Variants in C3orf20 observed in about 807,000 individuals in gnomAD.
C3orf20 encodes the protein family with sequence similarity 149 member C.
C3orf20 carries 76 observed loss-of-function variants against 88.3 expected under a neutral mutation model. The ratio of observed to expected loss-of-function variants is 0.86; its 90% CI spans 0.72 to 1.04. C3orf20 has a LOEUF of 1.04. Ranked by LOEUF, C3orf20 falls within the 50% of genes least tolerant of loss-of-function variation. C3orf20 has a pLI of 0.00. For missense variants in C3orf20, 1,056 were observed against 1,123.3 expected, an observed-to-expected ratio of 0.94 and a Z score of 0.86; for synonymous variants, 436 against 437.4, an observed-to-expected ratio of 1.00 and a Z score of 0.04.
At chr3:14,764,667 T>A (rs1005344974) in intron 15 of C3orf20, among the ~76,000 whole-genome samples, 3 of 152,130 alleles carry the variant, frequency 2.0e-5, no homozygotes, top group Admixed American at 1.3e-4. Context: ...GTTTGCGCAC[T>A]CCCATACCTG....
At chr3:14,723,754 A>T (rs897752108) in intron 10 of C3orf20, among the ~76,000 whole-genome samples, 5 of 151,814 alleles carry the variant, frequency 3.3e-5, no homozygotes, top group Non-Finnish European at 7.4e-5. Flanking sequence ...CTGGTTCCAC[A>T]CTCTCACTCT....
chr3:14,685,132 G>A (rs1343170526), intron 4 of C3orf20, among the ~76,000 whole-genome samples: 2 of 152,118 alleles, frequency 1.3e-5, no homozygotes, highest in African/African-American at 4.8e-5. Context: ...TTAGACAGTG[G>A]GACATAATGA....
chr3:14,762,545 T>C (rs921502799), intron 15 of C3orf20, among the ~76,000 whole-genome samples: 1 of 152,192 alleles, frequency 6.6e-6, no homozygotes, highest in South Asian at 2.1e-4. Context: ...ACTGGCTGGG[T>C]GACTGTGGTG....
intron 15 of C3orf20, among the ~76,000 whole-genome samples, chr3:14,770,499 A>G (rs113075150): frequency 0.029 from 4,468 of 152,138 alleles, 226 homozygotes; most frequent in African/African-American, 0.1. Flanking sequence ...CAGCCCGTAA[A>G]CACTGTTTCT....
chr3:14,715,188 C>G, intron 8 of C3orf20, 101 bp from the exon 9 acceptor site: 2 of 1,456,946 alleles, frequency 1.4e-6, no homozygotes, highest in East Asian at 2.4e-5. Context: ...ACTCCTCCAG[C>G]CTGGGACTGA....
intron 5 of C3orf20, among the ~76,000 whole-genome samples, chr3:14,702,130 C>T (rs571277251): frequency 2.0e-5 from 3 of 152,202 alleles, no homozygotes; most frequent in South Asian, 2.1e-4. Flanking sequence ...GACTTCAGTT[C>T]GACATAGCTG....
intron 10 of C3orf20, among the ~76,000 whole-genome samples, chr3:14,723,270 G>A (rs1425303691): frequency 2.0e-5 from 3 of 152,342 alleles, no homozygotes; most frequent in Admixed American, 2.0e-4. Flanking sequence ...CCAACCCAAC[G>A]TCCAATAAGG....
intron 8 of C3orf20, among the ~76,000 whole-genome samples, chr3:14,714,626 C>G (rs2033875194): frequency 6.6e-6 from 1 of 152,072 alleles, no homozygotes; most frequent in African/African-American, 2.4e-5. Flanking sequence ...GAGACTGGGT[C>G]TTGCTCTCAC....
chr3:14,756,028 C>CAAAAAAA (rs56242160), intron 12 of C3orf20, among the ~76,000 whole-genome samples: 15 of 72,710 alleles, frequency 2.1e-4, no homozygotes, highest in Non-Finnish European at 2.8e-4. Context: ...GACTCCATCT[C>CAAAAAAA]AAAAAAAAAA....
chr3:14,688,921 C>G (rs1364156390), intron 4 of C3orf20, among the ~76,000 whole-genome samples: 2 of 152,102 alleles, frequency 1.3e-5, no homozygotes, highest in Non-Finnish European at 2.9e-5. Flanking sequence ...GGCATAGACT[C>G]CTTGTAATGT....
At chr3:14,695,485 T>C (rs1299160513) in intron 5 of C3orf20, among the ~76,000 whole-genome samples, 2 of 152,216 alleles carry the variant, frequency 1.3e-5, no homozygotes, top group Non-Finnish European at 2.9e-5. Context: ...CATGAAATGT[T>C]CTGTAAATAT....
At chr3:14,706,378 T>C (rs2033504558) in intron 7 of C3orf20, among the ~76,000 whole-genome samples, 1 of 151,872 alleles carries the variant, frequency 6.6e-6, no homozygotes, top group South Asian at 2.1e-4. Flanking sequence ...CTGCATTTAA[T>C]AGGATGATCT....
intron 7 of C3orf20, 100 bp from the exon 8 acceptor site, chr3:14,713,907 C>A: frequency 1.5e-6 from 2 of 1,326,272 alleles, no homozygotes; most frequent in South Asian, 1.4e-5. Context: ...AATGATGCAC[C>A]AAATAGCTAA....
intron 15 of C3orf20, chr3:14,765,136 G>C (rs1575165177): frequency 1.3e-5 from 2 of 152,256 alleles, no homozygotes; most frequent in East Asian, 3.8e-4. Context: ...CCACACCCCA[G>C]TGAGTGAGGT....
chr3:14,713,785 A>T (rs933905739), intron 7 of C3orf20, among the ~76,000 whole-genome samples: 2 of 152,228 alleles, frequency 1.3e-5, no homozygotes, highest in Non-Finnish European at 2.9e-5. Flanking sequence ...ACCTACCACA[A>T]GGTGGTTGTG....
At chr3:14,719,680 G>T (rs546170918) in intron 9 of C3orf20, among the ~76,000 whole-genome samples, 34 of 152,322 alleles carry the variant, frequency 2.2e-4, no homozygotes, top group African/African-American at 8.2e-4. Context: ...CCATACTTGG[G>T]AGTTTGGGGG....
At chr3:14,738,856 A>G (rs1450992361) in intron 12 of C3orf20, among the ~76,000 whole-genome samples, 2 of 116,768 alleles carry the variant, frequency 1.7e-5, no homozygotes, top group Non-Finnish European at 3.4e-5. Flanking sequence ...GGGTTTCTCC[A>G]TGTTGGTCAG....
At chr3:14,731,453 G>A (rs930218676) in intron 12 of C3orf20, among the ~76,000 whole-genome samples, 4 of 152,144 alleles carry the variant, frequency 2.6e-5, no homozygotes, top group African/African-American at 9.7e-5. Flanking sequence ...ATAATGGAAG[G>A]ACACATGATA....
intron 4 of C3orf20, among the ~76,000 whole-genome samples, chr3:14,688,543 A>AAG (rs1553609759): frequency 1.3e-5 from 2 of 151,016 alleles, no homozygotes; most frequent in Non-Finnish European, 3.0e-5. Flanking sequence ...AAAAAAAAAA[A>AAG]AAAGAAAAAA....
Sources: gnomAD v4.1 joint callset for allele counts (sites outside exome capture counted in the v4.1 genomes callset) on GRCh38, gnomAD v4.1.1 for gene constraint, MANE v1.5 for transcripts, NCBI Gene and HGNC (gene_info 2026-07-23, HGNC 2026-07-21) for gene names.